Variants in IFT122 observed in about 807,000 individuals in gnomAD.
IFT122 encodes the protein intraflagellar transport 122.
In IFT122, 118 loss-of-function variants were observed where a neutral mutation model predicts 161.6. The observed-to-expected ratio is 0.73, with a 90% CI of 0.63 to 0.85. The LOEUF (loss-of-function observed/expected upper bound fraction) is 0.85, where lower values mean the gene tolerates loss of function less well. IFT122 is among the 40% of genes least tolerant of loss of function. The pLI is 0.00. For synonymous variants in IFT122, 550 were observed against 602.4 expected (o/e 0.91, Z 1.27); for missense variants, 1,381 against 1,579.6 (o/e 0.87, Z 2.13).
At chr3:129,444,997 G>A (rs931189228) in intron 1 of IFT122, among the ~76,000 whole-genome samples, 5 of 152,144 alleles carry the variant, frequency 3.3e-5, no homozygotes, top group African/African-American at 4.8e-5. Context: ...CAGCCACATA[G>A]CATAATGGTT....
chr3:129,516,286 GCACACA>G (rs375077150), intron 26 of IFT122, among the ~76,000 whole-genome samples: 6 of 89,644 alleles, frequency 6.7e-5, no homozygotes, highest in Admixed American at 1.2e-4. Context: ...GATTGCTCCT[GCACACA>G]CACACACACA....
At chr3:129,484,776 AT>A in intron 15 of IFT122, among the ~76,000 whole-genome samples, 1 of 152,346 alleles carries the variant, frequency 6.6e-6, no homozygotes, top group Non-Finnish European at 1.5e-5. Context: ...AAATGTTCTT[AT>A]TCTGCATGGC....
intron 14 of IFT122, 34 bp downstream of exon 14, chr3:129,481,728 C>G (rs2078670653): frequency 6.2e-7 from 1 of 1,609,248 alleles, no homozygotes; most frequent in Non-Finnish European, 8.5e-7. Context: ...GGACATCATC[C>G]TTTGATTAGA....
At chr3:129,482,567 C>T (rs1034015633) in intron 14 of IFT122, among the ~76,000 whole-genome samples, 3 of 152,066 alleles carry the variant, frequency 2.0e-5, no homozygotes, top group African/African-American at 7.2e-5. Context: ...CAGCCTCAGT[C>T]AATTAGAAGG....
intron 21 of IFT122, 112 bp from the exon 22 acceptor site, chr3:129,506,297 G>A (rs759344980): frequency 8.0e-5 from 98 of 1,228,302 alleles, no homozygotes; most frequent in Non-Finnish European, 1.0e-4. Context: ...ATGCTCCAAT[G>A]AGTGTCCTAC....
Position 129,464,756 on chromosome 3 carries a change from T to C in IFT122, c.538T>C (p.Trp180Arg). 1 of 1,614,158 alleles carries C rather than the reference T, an allele frequency of 6.2e-7. No individual in the cohort carries two copies. Among genetic ancestry groups the C allele is most frequent in the Non-Finnish European group, 8.5e-7 (1 of 1,180,030 alleles). The change falls in exon 7 of 30, where the codon TGG becomes CGG. Residue 180 changes from tryptophan to arginine, a missense_variant. Trp to Arg is a moderately radical substitution (Grantham distance 101, BLOSUM62 -3). Transcript: ENST00000348417. ...GCCGGGGGGCTCCCTCTCGCCAATATGGTCCATCTGCTGGAACCCTTCAAG... is the reference window on the plus strand; with the variant it reads ...GCCGGGGGGCTCCCTCTCGCCAATACGGTCCATCTGCTGGAACCCTTCAAG... ...ERPGGSLSPI[W>R]SICWNPSSRW... is the part of the protein sequence containing the mutation.
chr3:129,511,521 T>A (rs893223681), intron 23 of IFT122, among the ~76,000 whole-genome samples: 2 of 152,210 alleles, frequency 1.3e-5, no homozygotes, highest in Admixed American at 1.3e-4. Flanking sequence ...CCTCACCATC[T>A]AAAGCTTTAT....
chr3:129,498,005 A>G (rs2081088548), intron 18 of IFT122, among the ~76,000 whole-genome samples: 1 of 152,254 alleles, frequency 6.6e-6, no homozygotes, highest in Admixed American at 6.5e-5. Flanking sequence ...TATCAAAATC[A>G]CCAAGCATGA....
chr3:129,488,112 G>C, intron 15 of IFT122, 145 bp from the exon 16 acceptor site: 1 of 1,348,236 alleles, frequency 7.4e-7, no homozygotes, highest in Non-Finnish European at 1.0e-6. Flanking sequence ...GGGCAGGCTG[G>C]GCAGGGTGCT....
At chr3:129,467,282 A>G (rs1411125306) in intron 8 of IFT122, among the ~76,000 whole-genome samples, 2 of 149,700 alleles carry the variant, frequency 1.3e-5, no homozygotes, top group Non-Finnish European at 3.0e-5. Context: ...TGAAAAGACT[A>G]AAGGAGAAAG....
Position 129,457,520 on chromosome 3 carries a change from T to G in IFT122, c.194-1079T>G, listed in dbSNP as rs2075658875. On this transcript the variant is annotated intron_variant, in intron 3 of 29. Coordinates refer to ENST00000348417, the MANE Select transcript of IFT122 (RefSeq NM_052989.3). ...TCCATGTGGATGGGTCTGTCTCCTCTCTACATCTGGCTAAGCTCTGCTCAT... is the reference window on the plus strand; with the variant it reads ...TCCATGTGGATGGGTCTGTCTCCTCGCTACATCTGGCTAAGCTCTGCTCAT... 1.3e-5 allele frequency among the ~76,000 whole-genome samples: 2 copies of G among 152,126 alleles called. 1 individual carries two copies. The highest frequency in any genetic ancestry group is 4.1e-4 in the South Asian group (2 of 4,830).
intron 9 of IFT122, among the ~76,000 whole-genome samples, chr3:129,472,853 A>G (rs1439988808): frequency 3.3e-5 from 5 of 151,906 alleles, no homozygotes; most frequent in African/African-American, 4.8e-5. Flanking sequence ...GCAACTTCCA[A>G]TATTTTTCTT....
intron 8 of IFT122, among the ~76,000 whole-genome samples, chr3:129,467,450 T>G (rs1577452626): frequency 6.6e-6 from 1 of 152,326 alleles, no homozygotes; most frequent in Middle Eastern, 3.4e-3. Flanking sequence ...CCAGTAACAT[T>G]ACAAATCCTT....
chr3:129,485,891 C>T (rs998678920), intron 15 of IFT122, among the ~76,000 whole-genome samples: 31 of 152,232 alleles, frequency 2.0e-4, no homozygotes, highest in Non-Finnish European at 3.1e-4. Flanking sequence ...CCTCTGCCTC[C>T]GGCCATCCTG....
intron 17 of IFT122, among the ~76,000 whole-genome samples, chr3:129,494,748 T>G (rs1242386500): frequency 3.3e-5 from 5 of 152,084 alleles, no homozygotes; most frequent in Non-Finnish European, 2.9e-5. Context: ...CTACATTGTG[T>G]GATACAAGGA....
chr3:129,464,533 C>A, intron 6 of IFT122, 102 bp from the exon 7 acceptor site: 1 of 1,378,992 alleles, frequency 7.3e-7, no homozygotes, highest in Non-Finnish European at 1.0e-6. Context: ...CTGTTGCTGC[C>A]TCATCAGACT....
chr3:129,454,651 G>A (rs949686873), intron 3 of IFT122, among the ~76,000 whole-genome samples: 1 of 151,900 alleles, frequency 6.6e-6, no homozygotes, highest in African/African-American at 2.4e-5. Context: ...CCTAGTGGCT[G>A]TTGAGGAATG....
chr3:129,470,867 C>T (rs527637907), intron 9 of IFT122, among the ~76,000 whole-genome samples: 2 of 152,322 alleles, frequency 1.3e-5, no homozygotes, highest in Admixed American at 1.3e-4. Flanking sequence ...GCCACCACGC[C>T]TGGCTGGAGA....
At chr3:129,473,332 AT>A (rs1487028802) in intron 9 of IFT122, among the ~76,000 whole-genome samples, 1 of 152,112 alleles carries the variant, frequency 6.6e-6, no homozygotes, top group Non-Finnish European at 1.5e-5. Flanking sequence ...TATTTCTAAC[AT>A]TTGGGTCGTC....
Sources: gnomAD v4.1 joint callset for allele counts (sites outside exome capture counted in the v4.1 genomes callset) on GRCh38, gnomAD v4.1.1 for gene constraint, MANE v1.5 for transcripts, NCBI Gene and HGNC (gene_info 2026-07-23, HGNC 2026-07-21) for gene names.